GRIP1: variants seen among roughly 807,000 people sequenced by gnomAD.
GRIP1 encodes the protein glutamate receptor interacting protein 1, also known as glutamate receptor-interacting protein 1.
In GRIP1, 45 loss-of-function variants were observed where a neutral mutation model predicts 129.9. The observed-to-expected ratio is 0.35, with a 90% CI of 0.27 to 0.44. The LOEUF (loss-of-function observed/expected upper bound fraction) is 0.44. GRIP1 is among the 20% of genes least tolerant of loss of function. GRIP1 has a pLI of 1.00. For missense variants in GRIP1, 1,196 were observed against 1,396.8 expected, an observed-to-expected ratio of 0.86 and a Z score of 2.29; for synonymous variants, 530 against 520.8, an observed-to-expected ratio of 1.02 and a Z score of -0.24.
At position 66,377,161 on chromosome 12, in the gene GRIP1, G is replaced by T; in HGVS notation, c.2733+13C>A. The T allele has an allele frequency of 6.3e-7, 1 of 1,583,640 alleles. No homozygotes were observed. The highest frequency in any genetic ancestry group is 8.7e-7 in the Non-Finnish European group (1 of 1,152,118). On this transcript the variant is annotated intron_variant, in intron 21 of 24. Transcript: ENST00000359742. The stretch of plus-strand genomic sequence containing the variant: ...GTAGAAACAATAAAAGTAAGTAGCA[G>T]GACCAAGGCTACCTCCAGTTCTCTC...
Position 66,820,818 on chromosome 12 carries a change from T to TA in GRIP1, c.59-223892dup, listed in dbSNP as rs76089949. 0.011 allele frequency among the ~76,000 whole-genome samples: 1,555 copies of TA among 144,216 alleles called. 34 individuals carry two copies. The East Asian group carries it at 0.11, about 10-fold the overall frequency. The allele number at this position is 144,216 out of a possible 152,430, so 94.6% of individuals were successfully genotyped here. A position where few individuals can be genotyped will look rare whatever the true frequency, so the allele number is the denominator to read the frequency against. ...GAAAAGGAAAAACTAGGGAGACAATTAAAAAAAAAAAACAGGGGTTGCTAG... is the reference window on the plus strand; with the variant it reads ...GAAAAGGAAAAACTAGGGAGACAATTAAAAAAAAAAAAACAGGGGTTGCTAG... On this transcript the variant is annotated intron_variant, in intron 1 of 1. Transcript: ENST00000643019.
At chr12:66,892,371 C>A (rs1007078867) in intron 1 of GRIP1, among the ~76,000 whole-genome samples, 2 of 152,090 alleles carry the variant, frequency 1.3e-5, no homozygotes, top group Non-Finnish European at 2.9e-5. Context: ...CCAGAGAGAA[C>A]CTTTTTTAAA....
chr12:66,778,554 C>T (rs2038060587), intron 1 of GRIP1, among the ~76,000 whole-genome samples: 1 of 152,100 alleles, frequency 6.6e-6, no homozygotes, highest in Admixed American at 6.6e-5. Context: ...AAACCATGAG[C>T]CCTACCACCA....
chr12:66,871,111 T>C lies in GRIP1; in HGVS notation c.58+197939A>G, dbSNP rs148430240. On this transcript the variant is annotated intron_variant, in intron 1 of 1. Transcript: ENST00000643019. Reference sequence around the variant, plus strand: ...TGTGAGGATTAAACAAAGTTAGAGGTTGGAACCCTGCTATTAGAATTGGTG... The same window carrying C: ...TGTGAGGATTAAACAAAGTTAGAGGCTGGAACCCTGCTATTAGAATTGGTG... Among the ~76,000 whole-genome samples, 306 of 150,942 alleles carry C rather than the reference T, an allele frequency of 2.0e-3. 1 individual carries two copies. The highest frequency in any genetic ancestry group is 6.9e-3 in the African/African-American group (285 of 41,488).
rs555131465 is a variant in GRIP1 at position 66,892,626 on chromosome 12, G to A, written c.58+176424C>T. On this transcript the variant is annotated intron_variant, in intron 1 of 1. Transcript: ENST00000643019. ...TATATACACATTTTTGCTATGAAAT[G>A]TTATCACACATATGGATTTGTGCAA... Among the ~76,000 whole-genome samples the A allele has an allele frequency of 3.8e-4, 58 of 151,888 alleles. 1 individual carries two copies. Among genetic ancestry groups the A allele is most frequent in the Admixed American group, 3.2e-3 (49 of 15,250 alleles).
At chr12:67,019,583 G>A (rs143956073) in intron 1 of GRIP1, among the ~76,000 whole-genome samples, 26 of 152,146 alleles carry the variant, frequency 1.7e-4, no homozygotes, top group Middle Eastern at 6.8e-3. Flanking sequence ...AATCATCTAC[G>A]GAAAATCTTC....
At chr12:66,500,166 A>G (rs1206206222) in intron 7 of GRIP1, among the ~76,000 whole-genome samples, 1 of 152,238 alleles carries the variant, frequency 6.6e-6, no homozygotes, top group East Asian at 1.9e-4. Flanking sequence ...CTTTAAAGGT[A>G]TTAACAACTT....
At chr12:66,666,016 C>T (rs960225901) in intron 1 of GRIP1, among the ~76,000 whole-genome samples, 4 of 152,106 alleles carry the variant, frequency 2.6e-5, no homozygotes, top group African/African-American at 9.7e-5. Flanking sequence ...TAAGTTAACA[C>T]AGTTAACAGC....
chr12:66,479,654 C>T (rs2059739369), intron 7 of GRIP1, among the ~76,000 whole-genome samples: 1 of 152,120 alleles, frequency 6.6e-6, no homozygotes, highest in Non-Finnish European at 1.5e-5. Flanking sequence ...TGATGAACAT[C>T]AATATGAAAA....
chr12:66,652,587 T>G (rs1672502924), intron 1 of GRIP1, among the ~76,000 whole-genome samples: 1 of 152,170 alleles, frequency 6.6e-6, no homozygotes. Context: ...AAGAAAAATG[T>G]GTTTGAAAGT....
intron 5 of GRIP1, among the ~76,000 whole-genome samples, chr12:66,528,676 C>T (rs1332417478): frequency 1.3e-5 from 2 of 151,830 alleles, no homozygotes; most frequent in East Asian, 3.9e-4. Flanking sequence ...TCAGTGATAT[C>T]GAAAAATATA....
At position 66,349,135 on chromosome 12, in the gene GRIP1, T is replaced by C. The variant is rs1273711312; in HGVS notation, c.3271A>G (p.Lys1091Glu). 6.2e-7 allele frequency: 1 copy of C among 1,614,020 alleles called. No homozygotes were observed. The highest frequency in any genetic ancestry group is 1.1e-5 in the South Asian group (1 of 91,082). The change falls in exon 25 of 25, where the codon AAG becomes GAG. Residue 1091 changes from lysine (K) to glutamate (E), a missense_variant. Lys to Glu is a moderately conservative substitution (Grantham distance 56, BLOSUM62 1). Around this residue, in one of 5 missense-constraint regions of GRIP1, gnomAD observed 427 missense variants for 463.3 expected, o/e 0.92. Transcript: ENST00000359742. Reference sequence around the variant, plus strand: ...GGTAGACTCTGTTGGTCTATAGACTTCTGTGAAGCCAGTGGGTTTCTACTA... The same window carrying C: ...GGTAGACTCTGTTGGTCTATAGACTCCTGTGAAGCCAGTGGGTTTCTACTA... The part of the protein sequence containing the change: ...VISRNPLASQ[K>E]SIDQQSLPGD...
upstream of GRIP1, among the ~76,000 whole-genome samples, chr12:66,680,977 TG>T (rs1414260919): frequency 6.6e-6 from 1 of 152,184 alleles, no homozygotes; most frequent in African/African-American, 2.4e-5. Flanking sequence ...TTTTTTGTTT[TG>T]TTTTAAAAGC....
chr12:67,068,674 C>T (rs2043674383), intron 1 of GRIP1, among the ~76,000 whole-genome samples: 1 of 151,708 alleles, frequency 6.6e-6, no homozygotes, highest in Non-Finnish European at 1.5e-5. Flanking sequence ...GCAGGAACCC[C>T]CCTCCATGCC....
chr12:66,404,403 C>T (rs1047258228), intron 16 of GRIP1, among the ~76,000 whole-genome samples: 2 of 152,274 alleles, frequency 1.3e-5, no homozygotes, highest in South Asian at 2.1e-4. Flanking sequence ...ATACAGTAGA[C>T]GTTCTCTTAA....
At chr12:66,479,749 G>T (rs2138538874) in intron 7 of GRIP1, among the ~76,000 whole-genome samples, 1 of 152,322 alleles carries the variant, frequency 6.6e-6, no homozygotes, top group East Asian at 1.9e-4. Context: ...TCCCTGGAAT[G>T]CAAGGCTGGT....
At chr12:66,660,239 C>T in intron 1 of GRIP1, among the ~76,000 whole-genome samples, 1 of 151,578 alleles carries the variant, frequency 6.6e-6, no homozygotes, top group Middle Eastern at 3.4e-3. Context: ...AAAATTCATA[C>T]CCTAAAATAA....
chr12:66,764,370 A>C, intron 1 of GRIP1, among the ~76,000 whole-genome samples: 1 of 152,214 alleles, frequency 6.6e-6, no homozygotes, highest in East Asian at 1.9e-4. Context: ...CATATCAGCC[A>C]AGTGCAACCT....
chr12:66,414,932 T>TATAAAATAAAATAAAATAAAATAAA lies in GRIP1; in HGVS notation c.1838+5763_1838+5787dup, dbSNP rs56917803. ...AACTGGACCCCTTCCTTACACCTTA[T>TATAAAATAAAATAAAATAAAATAAA]ATAAAATAAAATAAAATAAAATAAA... On this transcript the variant is annotated intron_variant, in intron 15 of 24. Coordinates refer to ENST00000359742, the MANE Select transcript of GRIP1 (RefSeq NM_001366722.1). Among the ~76,000 whole-genome samples the TATAAAATAAAATAAAATAAAATAAA allele has an allele frequency of 3.1e-3, 376 of 121,996 alleles. 5 individuals carry two copies. Among genetic ancestry groups the TATAAAATAAAATAAAATAAAATAAA allele is most frequent in the Middle Eastern group, 0.011 (3 of 264 alleles). The allele number at this position is 121,996 out of a possible 152,430, so 80.0% of individuals were successfully genotyped here.
Sources: gnomAD v4.1 joint callset for allele counts (sites outside exome capture counted in the v4.1 genomes callset) on GRCh38, gnomAD v4.1.1 for gene constraint, gnomAD v4.1.1 regional missense constraint, MANE v1.5 for transcripts, NCBI Gene and HGNC (gene_info 2026-07-23, HGNC 2026-07-21) for gene names.